The following LYPD6 variants were observed in gnomAD, a reference collection of about 807,000 sequenced individuals.
LYPD6 encodes the protein LY6/PLAUR domain containing 6, also known as ly6/PLAUR domain-containing protein 6.
Under a neutral mutation model 22.7 loss-of-function variants are expected in LYPD6, and 15 were observed. The observed-to-expected ratio is 0.66, with a 90% confidence interval of 0.44 to 1.02. The LOEUF (loss-of-function observed/expected upper bound fraction) is 1.02. Among genes scored for constraint, LYPD6 ranks in the 50% least tolerant of loss-of-function variants. The pLI is 0.00. For synonymous variants in LYPD6, 72 were observed against 77.5 expected (o/e 0.93, Z 0.37); for missense variants, 189 against 208.4 (o/e 0.91, Z 0.57).
At chr2:149,453,807 A>C (rs1428766658) in intron 3 of LYPD6, among the ~76,000 whole-genome samples, 1 of 152,160 alleles carries the variant, frequency 6.6e-6, no homozygotes, top group African/African-American at 2.4e-5. Context: ...TAAGGGTGGA[A>C]TTTTCTTCCT....
chr2:149,407,361 C>G (rs1682740305), intron 1 of LYPD6, among the ~76,000 whole-genome samples: 1 of 152,200 alleles, frequency 6.6e-6, no homozygotes, highest in Admixed American at 6.5e-5. Context: ...CCATCACTTT[C>G]AGGTATACCA....
At chr2:149,466,746 C>T (rs1421940593) in intron 3 of LYPD6, among the ~76,000 whole-genome samples, 1 of 152,154 alleles carries the variant, frequency 6.6e-6, no homozygotes, top group Non-Finnish European at 1.5e-5. Flanking sequence ...TCCAAAACTG[C>T]AGCTATGTAG....
intron 1 of LYPD6, among the ~76,000 whole-genome samples, chr2:149,416,618 T>A (rs1321764172): frequency 3.3e-5 from 5 of 152,176 alleles, no homozygotes; most frequent in Admixed American, 3.3e-4. Flanking sequence ...AGGACCTCCC[T>A]TACAACGCCC....
At chr2:149,448,632 C>T (rs986974798) in intron 2 of LYPD6, among the ~76,000 whole-genome samples, 3 of 151,792 alleles carry the variant, frequency 2.0e-5, no homozygotes, top group East Asian at 3.9e-4. Context: ...CAATATATAA[C>T]GTTTTGGGAT....
At chr2:149,340,441 G>T (rs1183487922) in intron 1 of LYPD6, among the ~76,000 whole-genome samples, 4 of 152,146 alleles carry the variant, frequency 2.6e-5, no homozygotes, top group Admixed American at 2.6e-4. Flanking sequence ...GCTTGTGAGA[G>T]ATTATGTTAA....
At chr2:149,389,093 C>T (rs768930533) in intron 1 of LYPD6, among the ~76,000 whole-genome samples, 23 of 152,108 alleles carry the variant, frequency 1.5e-4, no homozygotes, top group Non-Finnish European at 1.6e-4. Flanking sequence ...GAAAGAGTGA[C>T]TAGAAGGTTA....
Position 149,426,442 on chromosome 2 carries a change from C to A in LYPD6, c.-71-11196C>A, listed in dbSNP as rs569039002. Among the ~76,000 whole-genome samples the A allele has an allele frequency of 3.3e-5, 5 of 152,294 alleles. No individual in the cohort carries two copies. In the South Asian group the frequency reaches 1.0e-3, roughly 32 times the overall value. On this transcript the variant is annotated intron_variant, in intron 1 of 4. Transcript: ENST00000334166. ...TGCTTGTTAATGGTTGAAGGTGAGC[C>A]ATATTCTTCACGTTCTCTAACCCTT... is the stretch of plus-strand genomic sequence containing the variant.
downstream of LYPD6, among the ~76,000 whole-genome samples, chr2:149,477,486 G>A (rs1203277361): frequency 1.3e-5 from 2 of 151,944 alleles, no homozygotes; most frequent in Non-Finnish European, 2.9e-5. Flanking sequence ...AGCCAGACGT[G>A]GTGGCACACA....
intron 1 of LYPD6, among the ~76,000 whole-genome samples, chr2:149,365,118 C>T (rs1681636372): frequency 6.6e-6 from 1 of 152,188 alleles, no homozygotes; most frequent in Non-Finnish European, 1.5e-5. Context: ...ACTCTTGAAC[C>T]ACTAATTCAC....
intron 1 of LYPD6, among the ~76,000 whole-genome samples, chr2:149,416,980 G>A (rs1682978150): frequency 6.6e-6 from 1 of 152,148 alleles, no homozygotes; most frequent in Admixed American, 6.5e-5. Context: ...ATGTTATGCT[G>A]TACAGGATCT....
intron 1 of LYPD6, among the ~76,000 whole-genome samples, chr2:149,403,388 A>G (rs1266525396): frequency 6.6e-6 from 1 of 150,426 alleles, no homozygotes; most frequent in East Asian, 1.9e-4. Flanking sequence ...CCTTTCCAGC[A>G]CCTGTTGTTT....
intron 1 of LYPD6, among the ~76,000 whole-genome samples, chr2:149,348,845 A>C (rs929357437): frequency 6.6e-6 from 1 of 152,162 alleles, no homozygotes; most frequent in African/African-American, 2.4e-5. Context: ...CTGTTGTAGC[A>C]GTCCAGGTGT....
the LYPD6 span, among the ~76,000 whole-genome samples, chr2:149,483,092 A>C: frequency 6.6e-6 from 1 of 152,142 alleles, no homozygotes; most frequent in South Asian, 2.1e-4. Context: ...ACACCCCTTC[A>C]GGTCTTAGTG....
chr2:149,430,619 C>T (rs1489497977), intron 1 of LYPD6, among the ~76,000 whole-genome samples: 1 of 152,146 alleles, frequency 6.6e-6, no homozygotes, highest in Non-Finnish European at 1.5e-5. Flanking sequence ...TTCAGAATTC[C>T]ATTCTGCTCT....
At chr2:149,377,522 T>C (rs996343372) in intron 1 of LYPD6, among the ~76,000 whole-genome samples, 2 of 152,172 alleles carry the variant, frequency 1.3e-5, no homozygotes, top group Non-Finnish European at 2.9e-5. Flanking sequence ...GGCTCATACC[T>C]GTAATCCCAG....
At chr2:149,334,590 C>T (rs1312901116) in intron 1 of LYPD6, among the ~76,000 whole-genome samples, 6 of 152,144 alleles carry the variant, frequency 3.9e-5, no homozygotes, top group Middle Eastern at 3.4e-3. Flanking sequence ...CTGGTGTGTA[C>T]GTGACAGCAA....
intron 1 of LYPD6, among the ~76,000 whole-genome samples, chr2:149,423,865 C>A (rs1417760133): frequency 6.6e-6 from 1 of 152,052 alleles, no homozygotes; most frequent in Non-Finnish European, 1.5e-5. Context: ...CATTTCAGAG[C>A]CTTTAATATG....
downstream of LYPD6, among the ~76,000 whole-genome samples, chr2:149,478,399 T>TGTGTGTGTGTGCGC: frequency 6.7e-6 from 1 of 150,086 alleles, no homozygotes; most frequent in Non-Finnish European, 1.5e-5. Flanking sequence ...TGTGTGTGTG[T>TGTGTGTGTGTGCGC]GCGCGCACGC....
intron 1 of LYPD6, among the ~76,000 whole-genome samples, chr2:149,418,399 G>A (rs1207817969): frequency 2.0e-5 from 3 of 151,300 alleles, no homozygotes; most frequent in South Asian, 2.1e-4. Flanking sequence ...TGTTGCTCAC[G>A]CATTATCTAG....
Sources: allele counts gnomAD v4.1 joint callset (sites outside exome capture counted in the v4.1 genomes callset), GRCh38; gene constraint gnomAD v4.1.1; transcripts MANE v1.5; gene names NCBI Gene and HGNC (gene_info 2026-07-23, HGNC 2026-07-21).